The following LDLRAD1 variants were observed in gnomAD, a reference collection of about 807,000 sequenced individuals.
LDLRAD1 encodes the protein low density lipoprotein receptor class A domain containing 1.
In LDLRAD1, 17 loss-of-function variants were observed where a neutral mutation model predicts 24.8. The observed-to-expected ratio is 0.69, with a 90% CI of 0.47 to 1.03. The LOEUF is 1.03. Ranked by LOEUF, LDLRAD1 falls within the 50% of genes least tolerant of loss-of-function variation. LDLRAD1 has a pLI of 0.00. For synonymous variants in LDLRAD1, 103 were observed against 108.2 expected (o/e 0.95, Z 0.30); for missense variants, 277 against 271.0 (o/e 1.02, Z -0.16).
chr1:54,009,862 C>T (rs986812318), intron 5 of LDLRAD1, among the ~76,000 whole-genome samples: 1 of 152,196 alleles, frequency 6.6e-6, no homozygotes, highest in Non-Finnish European at 1.5e-5. Context: ...TCCTGTCACA[C>T]ATTGTACTAA....
intron 4 of LDLRAD1, 74 bp from the exon 5 acceptor site, chr1:54,010,484 T>A: frequency 6.5e-7 from 1 of 1,528,644 alleles, no homozygotes; most frequent in Middle Eastern, 1.8e-4. Flanking sequence ...GGGAGGAGGA[T>A]TGACCACCCT....
rs770881675 is a variant in LDLRAD1, at chr1:54,014,263, T to C, written c.175A>G (p.Ile59Val). ...TVAALIALVT[I>V]LGLPSCTPGA... ...GGGGTGCATGATGGGAGTCCAAGAA[T>C]GGTGACCAAGGCGATGAGGGCCGCC... The change falls in exon 3 of 6, where the codon ATT (isoleucine) becomes GTT (valine). Residue 59 changes from isoleucine to valine, a missense_variant. By Grantham distance (29) the Ile-to-Val change is conservative. Transcript: ENST00000371360. 6.4e-7 allele frequency: 1 copy of C among 1,558,060 alleles called. No homozygotes were observed. The highest frequency in any genetic ancestry group is 1.9e-5 in the Admixed American group (1 of 51,840).
intron 4 of LDLRAD1, 81 bp from the exon 5 acceptor site, chr1:54,010,491 C>T (rs1656005975): frequency 2.0e-6 from 3 of 1,478,632 alleles, no homozygotes; most frequent in Non-Finnish European, 2.8e-6. Flanking sequence ...GGATTGACCA[C>T]CCTGGCAGTG....
intron 5 of LDLRAD1, among the ~76,000 whole-genome samples, chr1:54,009,361 C>G (rs1655953634): frequency 6.6e-6 from 1 of 152,110 alleles, no homozygotes; most frequent in Non-Finnish European, 1.5e-5. Flanking sequence ...TGTGCTCAAG[C>G]TTGTTATCAA....
At chr1:54,012,865 G>A (rs1656120731) in intron 3 of LDLRAD1, among the ~76,000 whole-genome samples, 1 of 152,136 alleles carries the variant, frequency 6.6e-6, no homozygotes, top group Admixed American at 6.5e-5. Context: ...GAGGAGAAAA[G>A]GAATACCCAC....
chr1:54,015,011 C>T (rs1656242406), intron 2 of LDLRAD1, among the ~76,000 whole-genome samples: 1 of 152,212 alleles, frequency 6.6e-6, no homozygotes, highest in Admixed American at 6.5e-5. Context: ...ACCATAATAG[C>T]TACCTTAGAC....
intron 2 of LDLRAD1, among the ~76,000 whole-genome samples, chr1:54,015,573 G>A (rs537366334): frequency 3.6e-4 from 55 of 152,260 alleles, no homozygotes; most frequent in African/African-American, 1.2e-3. Context: ...AGAGAAAGGG[G>A]CAGGAGCAGG....
At chr1:54,014,199 C>T (rs765484370) in intron 3 of LDLRAD1, 37 bp downstream of exon 3, 33 of 1,565,222 alleles carry the variant, frequency 2.1e-5, no homozygotes, top group East Asian at 1.4e-4. Context: ...ATGCCCTCCC[C>T]GCCGGGTCTG....
At chr1:54,014,782 G>A (rs1188689876) in intron 2 of LDLRAD1, among the ~76,000 whole-genome samples, 2 of 152,210 alleles carry the variant, frequency 1.3e-5, no homozygotes, top group Non-Finnish European at 2.9e-5. Flanking sequence ...CTAGGGCTCA[G>A]GAAGAAAAGA....
intron 2 of LDLRAD1, 84 bp from the exon 3 acceptor site, chr1:54,014,448 G>T: frequency 1.5e-6 from 2 of 1,291,066 alleles, no homozygotes; most frequent in Non-Finnish European, 1.1e-6. Context: ...CGCCCTGCCC[G>T]CTGCAAGCAG....
At chr1:54,009,674 T>A (rs573887925) in intron 5 of LDLRAD1, among the ~76,000 whole-genome samples, 7 of 152,264 alleles carry the variant, frequency 4.6e-5, no homozygotes, top group Non-Finnish European at 8.8e-5. Flanking sequence ...GTAGGACACA[T>A]GCCTGATTCC....
chr1:54,014,331 C>G lies in LDLRAD1; in HGVS notation c.107G>C (p.Gly36Ala). The G allele has an allele frequency of 1.9e-6, 3 of 1,549,178 alleles. No homozygotes were observed. Among genetic ancestry groups the G allele is most frequent in the Non-Finnish European group, 1.7e-6 (2 of 1,146,682 alleles). ...GGGHLCCSRR[G>A]ACLSASLLLL... The stretch of plus-strand genomic sequence containing the variant: ...CAGCAGAGAGGCAGAGAGGCAGGCC[C>G]CGCGACGTGAGCAGCAGAGGTGGCC... Residue 36 changes from glycine (G) to alanine (A), a missense_variant, in exon 3 of 6, where the codon GGG becomes GCG. By Grantham distance (60) the Gly-to-Ala change is moderately conservative (BLOSUM62 0). Transcript: ENST00000371360.
At chr1:54,009,657 C>T (rs942979190) in intron 5 of LDLRAD1, among the ~76,000 whole-genome samples, 3 of 152,178 alleles carry the variant, frequency 2.0e-5, no homozygotes, top group African/African-American at 7.2e-5. Flanking sequence ...TGATGTGAGT[C>T]CTGGGGGTAG....
intron 3 of LDLRAD1, among the ~76,000 whole-genome samples, chr1:54,013,350 G>A (rs758537427): frequency 1.8e-4 from 27 of 152,028 alleles, no homozygotes; most frequent in Non-Finnish European, 2.6e-4. Flanking sequence ...CAGGGGGAGC[G>A]CTGCGAATCT....
intron 2 of LDLRAD1, among the ~76,000 whole-genome samples, chr1:54,016,021 T>C (rs1010349963): frequency 1.3e-5 from 2 of 152,084 alleles, no homozygotes; most frequent in African/African-American, 4.8e-5. Flanking sequence ...AGGCCCCCAG[T>C]ATGGGTCAGT....
At chr1:54,012,522 C>A (rs773740871) in intron 3 of LDLRAD1, among the ~76,000 whole-genome samples, 1 of 152,262 alleles carries the variant, frequency 6.6e-6, no homozygotes, top group South Asian at 2.1e-4. Flanking sequence ...GCACACACCC[C>A]GTGGGACTGT....
intron 5 of LDLRAD1, among the ~76,000 whole-genome samples, chr1:54,009,803 A>G (rs1655972156): frequency 6.6e-6 from 1 of 152,200 alleles, no homozygotes; most frequent in Non-Finnish European, 1.5e-5. Context: ...GGGCAGCTAC[A>G]GGACTCGGGA....
chr1:54,014,381 C>G lies in LDLRAD1; in HGVS notation c.74-17G>C, dbSNP rs957871567. 4.5e-6 allele frequency: 7 copies of G among 1,546,334 alleles called. No homozygotes were observed. In the African/African-American group the frequency reaches 6.9e-5, roughly 15 times the overall value. On this transcript the variant is annotated splice_polypyrimidine_tract_variant and intron_variant, in intron 2 of 5. Transcript: ENST00000371360. The stretch of plus-strand genomic sequence containing the variant: ...CGCCGCCTGCTGTGTGGGGGGGAAA[C>G]AAGCCCGGGGGTGGTGGTGATAGGG...
At chr1:54,014,649 C>T (rs1656222113) in intron 2 of LDLRAD1, among the ~76,000 whole-genome samples, 1 of 152,056 alleles carries the variant, frequency 6.6e-6, no homozygotes, top group African/African-American at 2.4e-5. Flanking sequence ...GAGACTTCCT[C>T]AGGACGCAGG....
Sources: gnomAD v4.1 joint callset for allele counts (sites outside exome capture counted in the v4.1 genomes callset) on GRCh38, gnomAD v4.1.1 for gene constraint, MANE v1.5 for transcripts, NCBI Gene and HGNC (gene_info 2026-07-23, HGNC 2026-07-21) for gene names.